ATP10B: variants seen among roughly 807,000 people sequenced by gnomAD.
ATP10B encodes phospholipid-transporting ATPase VB.
A neutral mutation model predicts 141.2 loss-of-function variants in ATP10B; 122 were observed. The ratio of observed to expected loss-of-function variants is 0.86; its 90% CI spans 0.75 to 1.00. The LOEUF (loss-of-function observed/expected upper bound fraction) is 1.00, where lower values mean the gene tolerates loss of function less well. Ranked by LOEUF, ATP10B falls within the 50% of genes least tolerant of loss-of-function variation. The pLI is 0.00. For missense variants in ATP10B, 1,876 were observed against 1,825.3 expected (o/e 1.03, Z -0.51); for synonymous variants, 685 against 692.0 (o/e 0.99, Z 0.16).
At chr5:160,652,911 A>T (rs539317269) in intron 7 of ATP10B, among the ~76,000 whole-genome samples, 1 of 68,328 alleles carries the variant, frequency 1.5e-5, no homozygotes, top group East Asian at 4.1e-4. Context: ...TTATATATAC[A>T]TGTATATATA....
In ATP10B at chr5:160,615,846, G is replaced by A. The variant is rs2127642436; in HGVS notation, c.2645C>T (p.Thr882Ile). The A allele has an allele frequency of 1.2e-6, 2 of 1,610,738 alleles. No homozygotes were observed. Among genetic ancestry groups the A allele is most frequent in the East Asian group, 2.2e-5 (1 of 44,782 alleles). The change falls in exon 17 of 26, where the codon ACC (threonine) becomes ATC (isoleucine). Residue 882 changes from threonine to isoleucine, a missense_variant. Transcript: ENST00000327245. ...GACTTATTTTTAGCTACCAAGTAAGGTGAGTTGATTCTCCAGATGCTGTGC... is the reference window on the plus strand; with the variant it reads ...GACTTATTTTTAGCTACCAAGTAAGATGAGTTGATTCTCCAGATGCTGTGC... The part of the protein sequence containing the change: ...ETAQHLENQL[T>I]LLGATGIEDR...
In ATP10B at chr5:160,659,468, T is replaced by C. The variant is rs202181760; in HGVS notation, c.676-10212A>G. ...CAACAGTGCAAGGCTCCGTCTCAAA[T>C]AAAAACAAAAACAAAAACAAAAACA... On this transcript the variant is annotated intron_variant, in intron 7 of 25. Coordinates refer to ENST00000327245, the MANE Select transcript of ATP10B (RefSeq NM_025153.3). Among the ~76,000 whole-genome samples the C allele has an allele frequency of 4.1e-4, 62 of 151,636 alleles. No individual in the cohort carries two copies. In the East Asian group the frequency reaches 9.5e-3, roughly 23 times the overall value.
the ATP10B span, among the ~76,000 whole-genome samples, chr5:160,863,733 A>G: frequency 0.085 from 12,976 of 152,110 alleles, 766 homozygotes; most frequent in Middle Eastern, 0.15. Flanking sequence ...AGAAGATCTG[A>G]ATAAGCTCAA....
intron 11 of ATP10B, among the ~76,000 whole-genome samples, chr5:160,635,789 G>A (rs1285638202): frequency 1.3e-5 from 2 of 152,146 alleles, no homozygotes; most frequent in African/African-American, 2.4e-5. Context: ...ACTAACTCGT[G>A]ATTTCTCTCT....
the ATP10B span, among the ~76,000 whole-genome samples, chr5:160,898,004 C>T: frequency 6.6e-6 from 1 of 152,192 alleles, no homozygotes; most frequent in African/African-American, 2.4e-5. Context: ...AAAACTGAAA[C>T]TGGACCTCTT....
chr5:160,750,770 C>G (rs1768099362), intron 2 of ATP10B, among the ~76,000 whole-genome samples: 1 of 152,194 alleles, frequency 6.6e-6, no homozygotes, highest in South Asian at 2.1e-4. Flanking sequence ...GCTAACTTCT[C>G]CAGCCACACT....
chr5:160,880,546 G>A, the ATP10B span, among the ~76,000 whole-genome samples: 1 of 152,142 alleles, frequency 6.6e-6, no homozygotes, highest in South Asian at 2.1e-4. Flanking sequence ...TAAAGCTACA[G>A]TAATCAAGAC....
intron 7 of ATP10B, among the ~76,000 whole-genome samples, chr5:160,656,958 T>C (rs1014859307): frequency 3.3e-5 from 5 of 152,174 alleles, no homozygotes; most frequent in Non-Finnish European, 2.9e-5. Flanking sequence ...GTGAAACTCT[T>C]GGTGTCTGTT....
intron 2 of ATP10B, among the ~76,000 whole-genome samples, chr5:160,784,037 G>A (rs913094599): frequency 6.6e-6 from 1 of 152,056 alleles, no homozygotes; most frequent in African/African-American, 2.4e-5. Context: ...ATCCACCTTG[G>A]CCAGGTAGCA....
intron 1 of ATP10B, among the ~76,000 whole-genome samples, chr5:160,802,860 C>T (rs1488883349): frequency 1.3e-5 from 2 of 152,158 alleles, no homozygotes; most frequent in Non-Finnish European, 2.9e-5. Flanking sequence ...TCTTGCTGAG[C>T]TCAAGTGGGA....
chr5:160,566,249 A>G (rs1197594278), intron 25 of ATP10B, among the ~76,000 whole-genome samples: 2 of 152,212 alleles, frequency 1.3e-5, no homozygotes, highest in African/African-American at 4.8e-5. Flanking sequence ...CCACAGCCAC[A>G]CAGTGGTTGA....
intron 24 of ATP10B, among the ~76,000 whole-genome samples, chr5:160,570,456 A>ATACTGCAGTCTAAACAAGCAAATG (rs1197114360): frequency 1.3e-5 from 2 of 152,218 alleles, no homozygotes; most frequent in Non-Finnish European, 1.5e-5. Context: ...ACAAGCAAAT[A>ATACTGCAGTCTAAACAAGCAAATG]TACTGCAGTC....
At chr5:160,615,782 C>G in intron 17 of ATP10B, 56 bp downstream of exon 17, 1 of 1,586,318 alleles carries the variant, frequency 6.3e-7, no homozygotes, top group Non-Finnish European at 8.6e-7. Flanking sequence ...CCAAGAGCTC[C>G]CTTCTCAACT....
chr5:160,681,237 C>T (rs1187077122), intron 6 of ATP10B, among the ~76,000 whole-genome samples: 3 of 152,232 alleles, frequency 2.0e-5, no homozygotes, highest in African/African-American at 7.2e-5. Context: ...ATCCTAGAAC[C>T]TTTATTCTAT....
chr5:160,912,414 CAAA>C, the ATP10B span, among the ~76,000 whole-genome samples: 9 of 88,908 alleles, frequency 1.0e-4, no homozygotes, highest in African/African-American at 3.4e-4. Context: ...CTGTTTCTAC[CAAA>C]AAAAAAAAAA....
At chr5:160,855,838 T>G (rs920006244), upstream of ATP10B, among the ~76,000 whole-genome samples, 40 of 151,882 alleles carry the variant, frequency 2.6e-4, no homozygotes, top group African/African-American at 9.4e-4. Flanking sequence ...AACCACTTGT[T>G]TTATGACTGT....
rs150046756 is a variant in ATP10B at position 160,744,472 on chromosome 5, G to A, written c.-330-27438C>T. 1.6e-4 allele frequency among the ~76,000 whole-genome samples: 24 copies of A among 152,282 alleles called. 1 individual carries two copies. The East Asian group carries it at 4.4e-3, about 28-fold the overall frequency. On this transcript the variant is annotated intron_variant, in intron 2 of 25. Transcript: ENST00000327245. ...AGGGTTCTCTGGAGTTGCCTCATGG[G>A]TTGCTGAGAGGAAGATTGCAGGCAG... is the stretch of plus-strand genomic sequence containing the variant.
chr5:160,891,356 C>G, the ATP10B span, among the ~76,000 whole-genome samples: 1 of 152,188 alleles, frequency 6.6e-6, no homozygotes, highest in Admixed American at 6.5e-5. Context: ...CAGTGATTTT[C>G]CTCTTACCTC....
chr5:160,870,504 A>T, the ATP10B span, among the ~76,000 whole-genome samples: 2 of 152,094 alleles, frequency 1.3e-5, no homozygotes, highest in Non-Finnish European at 2.9e-5. Flanking sequence ...AACATAACAA[A>T]AACCTCCAAA....
Sources: gnomAD v4.1 joint callset for allele counts (sites outside exome capture counted in the v4.1 genomes callset) on GRCh38, gnomAD v4.1.1 for gene constraint, MANE v1.5 for transcripts, NCBI Gene and HGNC (gene_info 2026-07-23, HGNC 2026-07-21) for gene names.